The following PELP1 variants were observed in gnomAD, a reference collection of about 807,000 sequenced individuals.
PELP1 encodes proline, glutamate and leucine rich protein 1, also known as proline-, glutamic acid- and leucine-rich protein 1.
In PELP1, 32 loss-of-function variants were observed where a neutral mutation model predicts 95.5. The ratio of observed to expected loss-of-function variants is 0.34; its 90% CI spans 0.25 to 0.45. The LOEUF (loss-of-function observed/expected upper bound fraction) is 0.45, where lower values mean the gene tolerates loss of function less well. PELP1 is among the 20% of genes least tolerant of loss of function. The pLI is 1.00. For missense variants in PELP1, 1,358 were observed against 1,444.8 expected (o/e 0.94, Z 0.97); for synonymous variants, 668 against 600.1 (o/e 1.11, Z -1.65).
intron 1 of PELP1, among the ~76,000 whole-genome samples, chr17:4,692,424 G>A (rs570247436): frequency 1.0e-4 from 15 of 150,654 alleles, no homozygotes; most frequent in Admixed American, 2.0e-4. Flanking sequence ...CCGAGATCAT[G>A]CCACTGCACT....
chr17:4,671,580 C>T, intron 16 of PELP1, 49 bp from the exon 17 acceptor site: 1 of 1,610,816 alleles, frequency 6.2e-7, no homozygotes, highest in Non-Finnish European at 8.5e-7. Context: ...CACACATACA[C>T]AGAAGAATGG....
chr17:4,700,734 G>A (rs1913489700), intron 1 of PELP1, among the ~76,000 whole-genome samples: 2 of 151,706 alleles, frequency 1.3e-5, no homozygotes, highest in Admixed American at 6.6e-5. Context: ...AGACCAGCCT[G>A]GACAACATAT....
intron 5 of PELP1, among the ~76,000 whole-genome samples, chr17:4,681,775 G>C (rs1024473583): frequency 5.9e-5 from 9 of 151,992 alleles, no homozygotes; most frequent in Non-Finnish European, 1.0e-4. Context: ...ACTCCAGCCT[G>C]GCAACAGAGT....
intron 1 of PELP1, among the ~76,000 whole-genome samples, chr17:4,701,543 C>T (rs9894735): frequency 0.32 from 48,691 of 151,806 alleles, 8,135 homozygotes; most frequent in Middle Eastern, 0.48. Flanking sequence ...CTATAATATA[C>T]TCCAAGCTAG....
At chr17:4,692,029 C>A (rs1913122565) in intron 1 of PELP1, among the ~76,000 whole-genome samples, 1 of 152,204 alleles carries the variant, frequency 6.6e-6, no homozygotes, top group Admixed American at 6.6e-5. Flanking sequence ...CCTCTCACGG[C>A]ACCCGCGTCT....
intron 3 of PELP1, among the ~76,000 whole-genome samples, chr17:4,687,743 T>C (rs1912957592): frequency 6.6e-6 from 1 of 152,224 alleles, no homozygotes; most frequent in Admixed American, 6.5e-5. Flanking sequence ...GCAGGGTCCA[T>C]GTACATCTCA....
intron 3 of PELP1, 182 bp from the exon 4 acceptor site, chr17:4,683,134 C>T (rs897097406): frequency 5.2e-5 from 64 of 1,222,902 alleles, no homozygotes; most frequent in South Asian, 3.1e-4. Context: ...TTTACTATTA[C>T]GGGTATCTGG....
In PELP1 at chr17:4,671,996, GTTCTGGCTGCACCT is replaced by G; in HGVS notation, c.2981_2994del (p.Lys994ThrfsTer4). 6.4e-7 allele frequency: 1 copy of G among 1,557,422 alleles called. No homozygotes were observed. The highest frequency in any genetic ancestry group is 1.4e-5 in the African/African-American group (1 of 73,236). On this transcript the variant is annotated frameshift_variant, in exon 16 of 17. Transcript: ENST00000572293. LOFTEE classifies it high-confidence loss of function. ...AAAAGCAGCCCGGGTTCAGGTTCGGGTTCTGGCTGCACCTTTGGGGGAGACTCAGGGGGAGGCAG... is the reference window on the plus strand; with the variant it reads ...AAAAGCAGCCCGGGTTCAGGTTCGGGTTGGGGGAGACTCAGGGGGAGGCAG...
chr17:4,691,737 G>A, intron 1 of PELP1: 1 of 395,010 alleles, frequency 2.5e-6, no homozygotes, highest in Non-Finnish European at 4.6e-6. Context: ...CTTCAAAGAT[G>A]GGTCTGCTTC....
chr17:4,690,242 A>AAAATGATATAATGAAC (rs1913049197), intron 3 of PELP1, among the ~76,000 whole-genome samples: 1 of 152,126 alleles, frequency 6.6e-6, no homozygotes, highest in African/African-American at 2.4e-5. Flanking sequence ...CAAAGGCATA[A>AAAATGATATAATGAAC]AAATGATATA....
intron 3 of PELP1, among the ~76,000 whole-genome samples, chr17:4,687,883 A>C (rs1912962602): frequency 6.6e-6 from 1 of 152,238 alleles, no homozygotes; most frequent in Non-Finnish European, 1.5e-5. Context: ...AAGAGCAACA[A>C]AGTATGAAAA....
intron 1 of PELP1, 113 bp from the exon 2 acceptor site, chr17:4,691,555 C>T: frequency 2.7e-6 from 2 of 749,750 alleles, no homozygotes; most frequent in Non-Finnish European, 4.6e-6. Flanking sequence ...AGTCACATCT[C>T]CTCTGAGGCC....
intron 3 of PELP1, among the ~76,000 whole-genome samples, chr17:4,690,464 G>A (rs537556939): frequency 2.0e-5 from 3 of 152,238 alleles, no homozygotes; most frequent in South Asian, 4.1e-4. Flanking sequence ...CCTCACACCT[G>A]TAATCCCAGC....
chr17:4,694,172 GA>G (rs1913207558), intron 1 of PELP1, among the ~76,000 whole-genome samples: 1 of 151,964 alleles, frequency 6.6e-6, no homozygotes, highest in Non-Finnish European at 1.5e-5. Context: ...AATCTCTAAA[GA>G]AAAAAAGTAG....
intron 1 of PELP1, chr17:4,696,541 A>AG (rs1306416306): frequency 6.6e-6 from 1 of 152,154 alleles, no homozygotes; most frequent in Non-Finnish European, 1.5e-5. Flanking sequence ...AAAAGCCACG[A>AG]GGGGGAGAGA....
At chr17:4,694,619 C>T (rs569791235) in intron 1 of PELP1, among the ~76,000 whole-genome samples, 12 of 148,484 alleles carry the variant, frequency 8.1e-5, no homozygotes, top group Admixed American at 2.7e-4. Flanking sequence ...AAGATCGTGA[C>T]ACTGCACTCC....
chr17:4,678,089 C>T (rs1016691954), intron 5 of PELP1, among the ~76,000 whole-genome samples: 3 of 151,672 alleles, frequency 2.0e-5, no homozygotes, highest in Non-Finnish European at 4.4e-5. Flanking sequence ...TGGTGGGCAC[C>T]TGTAATCCCA....
chr17:4,689,206 A>T (rs1301200511), intron 3 of PELP1, among the ~76,000 whole-genome samples: 11 of 152,256 alleles, frequency 7.2e-5, no homozygotes, highest in Non-Finnish European at 4.4e-5. Context: ...TGGATCAAGG[A>T]CTTAAATCTA....
rs145062034 is a variant in PELP1, at chr17:4,675,012, C to T, written c.1275-56G>A. 9.3e-4 allele frequency: 1,502 copies of T among 1,606,570 alleles called. 6 individuals are homozygous for T. The African/African-American group carries it at 0.016, about 17-fold the overall frequency. ...ATGGGGGGTCAACATGCCAGAAGCC[C>T]CAGCCCACCTGCACCCCCTCACCCC... On this transcript the variant is annotated intron_variant, in intron 11 of 16. Coordinates refer to ENST00000572293, the MANE Select transcript of PELP1 (RefSeq NM_014389.3). This position sits in a 1 kb window ranked among gnomAD's most constrained non-coding sequence, Gnocchi z 4.3.
Sources: gnomAD v4.1 joint callset for allele counts (sites outside exome capture counted in the v4.1 genomes callset) on GRCh38, gnomAD v4.1.1 for gene constraint, Gnocchi (gnomAD v3.1) non-coding constraint, MANE v1.5 for transcripts, NCBI Gene and HGNC (gene_info 2026-07-23, HGNC 2026-07-21) for gene names.